SKIC3: variants seen among roughly 807,000 people sequenced by gnomAD.
The protein encoded by SKIC3 is superkiller complex protein 3.
chr5:95,485,774 T>G, the SKIC3 span, among the ~76,000 whole-genome samples: 2 of 152,174 alleles, frequency 1.3e-5, no homozygotes, highest in African/African-American at 4.8e-5. Flanking sequence ...CATTCGGTGC[T>G]CGCCTCGTCC....
chr5:95,530,704 G>A, the SKIC3 span, among the ~76,000 whole-genome samples: 1 of 152,136 alleles, frequency 6.6e-6, no homozygotes, highest in African/African-American at 2.4e-5. Flanking sequence ...CAAAGACTTA[G>A]TCACATTCCT....
At chr5:95,523,200 A>C in the SKIC3 span, 3 of 1,613,624 alleles carry the variant, frequency 1.9e-6, no homozygotes, top group African/African-American at 2.7e-5. Context: ...AAGGTGCCTT[A>C]CTCAGCCACT....
chr5:95,525,973 TACC>T, the SKIC3 span, among the ~76,000 whole-genome samples: 4 of 152,144 alleles, frequency 2.6e-5, no homozygotes, highest in Non-Finnish European at 4.4e-5. Flanking sequence ...CCACTAATTT[TACC>T]ACACTTCTGC....
At chr5:95,507,498 A>G in the SKIC3 span, among the ~76,000 whole-genome samples, 1 of 152,220 alleles carries the variant, frequency 6.6e-6, no homozygotes, top group Non-Finnish European at 1.5e-5. Context: ...ATTGGAATAA[A>G]TAACCTGCTG....
the SKIC3 span, among the ~76,000 whole-genome samples, chr5:95,550,048 T>C: frequency 1.3e-5 from 2 of 151,970 alleles, no homozygotes; most frequent in Admixed American, 6.6e-5. Context: ...GCCTTATACC[T>C]CTCCTCCCAC....
chr5:95,467,063 G>A, the SKIC3 span, among the ~76,000 whole-genome samples: 2 of 152,230 alleles, frequency 1.3e-5, no homozygotes, highest in East Asian at 3.9e-4. Flanking sequence ...TCATATATTT[G>A]TATTGTTATA....
At chr5:95,472,685 G>A in the SKIC3 span, among the ~76,000 whole-genome samples, 1 of 151,668 alleles carries the variant, frequency 6.6e-6, no homozygotes, top group Non-Finnish European at 1.5e-5. Flanking sequence ...TACACGTGCA[G>A]GTTTGCTCCA....
the SKIC3 span, chr5:95,484,681 A>C: frequency 6.2e-7 from 1 of 1,613,498 alleles, no homozygotes; most frequent in South Asian, 1.1e-5. Flanking sequence ...TTTTCCCAGT[A>C]AGATAAGAAT....
At chr5:95,484,915 T>A in the SKIC3 span, 1 of 1,543,112 alleles carries the variant, frequency 6.5e-7, no homozygotes, top group Non-Finnish European at 8.9e-7. Context: ...AGTAACTGGT[T>A]GCTAAAAAAT....
the SKIC3 span, chr5:95,528,843 ATGCAGACTT>A: frequency 1.5e-6 from 1 of 674,960 alleles, no homozygotes; most frequent in Non-Finnish European, 2.6e-6. Context: ...GTACACATGC[ATGCAGACTT>A]TTATTTAAAC....
chr5:95,481,944 C>A, the SKIC3 span, among the ~76,000 whole-genome samples: 1 of 152,106 alleles, frequency 6.6e-6, no homozygotes, highest in Admixed American at 6.6e-5. Context: ...TAATTATGTG[C>A]TTCCTTGTAT....
chr5:95,481,098 C>T, the SKIC3 span, among the ~76,000 whole-genome samples: 2 of 151,926 alleles, frequency 1.3e-5, no homozygotes, highest in African/African-American at 4.8e-5. Context: ...CACTTTATTC[C>T]TTGTGAATTA....
chr5:95,477,747 G>A, the SKIC3 span, among the ~76,000 whole-genome samples: 1 of 152,046 alleles, frequency 6.6e-6, no homozygotes, highest in South Asian at 2.1e-4. Context: ...CCACATATAT[G>A]AACACTCCAT....
the SKIC3 span, among the ~76,000 whole-genome samples, chr5:95,484,340 C>CTTTT: frequency 8.3e-6 from 1 of 119,926 alleles, no homozygotes; most frequent in Non-Finnish European, 1.7e-5. Flanking sequence ...ATGCATTCCT[C>CTTTT]TTTTTTTTTT....
chr5:95,512,576 A>G, the SKIC3 span: 5 of 1,614,026 alleles, frequency 3.1e-6, no homozygotes, highest in South Asian at 5.5e-5. Context: ...TTATCTTGCA[A>G]TGTTGTGCAG....
the SKIC3 span, among the ~76,000 whole-genome samples, chr5:95,503,257 A>T: frequency 6.6e-6 from 1 of 152,142 alleles, no homozygotes; most frequent in Non-Finnish European, 1.5e-5. Context: ...CTATATGGGG[A>T]TCTAGGTCAC....
the SKIC3 span, chr5:95,541,684 G>A: frequency 7.2e-6 from 5 of 693,640 alleles, no homozygotes; most frequent in African/African-American, 1.9e-5. Context: ...AAGATTCTAC[G>A]ACAAATGTTT....
At chr5:95,553,557 T>G in the SKIC3 span, among the ~76,000 whole-genome samples, 1 of 152,076 alleles carries the variant, frequency 6.6e-6, no homozygotes, top group African/African-American at 2.4e-5. Flanking sequence ...TTAGGGGTTT[T>G]TTTGTTTTTG....
the SKIC3 span, among the ~76,000 whole-genome samples, chr5:95,489,423 G>A: frequency 5.9e-5 from 9 of 151,446 alleles, no homozygotes; most frequent in African/African-American, 2.2e-4. Context: ...TTTACTATAA[G>A]GACTTGCACT....
Sources: allele counts gnomAD v4.1 joint callset (sites outside exome capture counted in the v4.1 genomes callset), GRCh38; gene constraint gnomAD v4.1.1; transcripts MANE v1.5; gene names NCBI Gene and HGNC (gene_info 2026-07-23, HGNC 2026-07-21).